HFM1: variants seen among roughly 807,000 people sequenced by gnomAD.
The protein encoded by HFM1 is probable ATP-dependent DNA helicase HFM1.
Under a neutral mutation model 192.1 loss-of-function variants are expected in HFM1, and 169 were observed. That is an observed-to-expected ratio of 0.88 (90% CI 0.78 to 1.00). The LOEUF is 1.00. Among genes scored for constraint, HFM1 ranks in the 50% least tolerant of loss-of-function variants. HFM1 has a pLI of 0.00. For missense variants in HFM1, 1,661 were observed against 1,668.0 expected (o/e 1.00, Z 0.07); for synonymous variants, 525 against 537.8 (o/e 0.98, Z 0.33).
At chr1:91,329,548 A>C in intron 20 of HFM1, 1 of 1,404,764 alleles carries the variant, frequency 7.1e-7, no homozygotes, top group Non-Finnish European at 9.6e-7. Flanking sequence ...CCTCCTTGAC[A>C]CCAGAATATT....
chr1:91,322,924 C>A, intron 23 of HFM1, 26 bp downstream of exon 23: 1 of 1,104,866 alleles, frequency 9.1e-7, no homozygotes, highest in East Asian at 2.9e-5. Flanking sequence ...AAAAAGAAAA[C>A]TTTCATAAGT....
intron 20 of HFM1, among the ~76,000 whole-genome samples, chr1:91,335,695 G>A (rs966207927): frequency 6.6e-6 from 1 of 152,030 alleles, no homozygotes; most frequent in African/African-American, 2.4e-5. Flanking sequence ...AGGAAATTCA[G>A]GATATTTCAT....
In HFM1 at chr1:91,276,701, G is replaced by A; in HGVS notation, c.3515C>T (p.Thr1172Ile). 1 of 1,558,218 alleles carries A rather than the reference G, an allele frequency of 6.4e-7. No individual in the cohort carries two copies. The highest frequency in any genetic ancestry group is 8.6e-7 in the Non-Finnish European group (1 of 1,156,952). ...TAAATCAGATAAATATGAAGAAATT[G>A]TTGACTCTTTAATTTCTGACTTCTG... The part of the protein sequence containing the change: ...VAQKSEIKES[T>I]ISSYLSDLRN... The change falls in exon 32 of 39, where the codon ACA becomes ATA. Residue 1172 changes from threonine (T) to isoleucine (I), a missense_variant. Thr to Ile is a moderately conservative substitution (Grantham distance 89). Coordinates refer to ENST00000370425, the MANE Select transcript of HFM1 (RefSeq NM_001017975.6).
At chr1:91,328,421 C>G in intron 20 of HFM1, 2 of 1,602,560 alleles carry the variant, frequency 1.2e-6, no homozygotes, top group Non-Finnish European at 1.7e-6. Context: ...GCTGATGTGG[C>G]CCCCAGTGCC....
chr1:91,290,024 T>C (rs543443792), intron 30 of HFM1, among the ~76,000 whole-genome samples: 1 of 152,216 alleles, frequency 6.6e-6, no homozygotes, highest in East Asian at 1.9e-4. Context: ...CCACCAGGCC[T>C]GCCCTAAAAG....
intron 32 of HFM1, 152 bp from the exon 33 acceptor site, chr1:91,274,961 C>T (rs1666671456): frequency 1.1e-5 from 5 of 451,212 alleles, no homozygotes; most frequent in Non-Finnish European, 2.0e-5. Context: ...GAATATTTCA[C>T]TCAGGCCCTT....
chr1:91,361,814 G>A (rs576723088), intron 13 of HFM1, among the ~76,000 whole-genome samples: 13 of 152,232 alleles, frequency 8.5e-5, no homozygotes, highest in Admixed American at 8.5e-4. Context: ...TAAAATACTG[G>A]CAAACTGAAT....
intron 30 of HFM1, among the ~76,000 whole-genome samples, chr1:91,296,613 G>C (rs1382132213): frequency 6.6e-6 from 1 of 152,024 alleles, no homozygotes; most frequent in Non-Finnish European, 1.5e-5. Flanking sequence ...GATTAATTTG[G>C]GGAGAACTGA....
intron 30 of HFM1, among the ~76,000 whole-genome samples, chr1:91,310,096 T>C (rs1650219274): frequency 6.6e-6 from 1 of 152,156 alleles, no homozygotes; most frequent in East Asian, 1.9e-4. Flanking sequence ...TATATCTAGA[T>C]GGTATGAAGA....
In HFM1 at chr1:91,276,998, T is replaced by C. The variant is rs756456320; in HGVS notation, c.3456A>G (p.Thr1152=). The change falls in exon 31 of 39, where the codon ACA becomes ACG. Residue 1152 remains threonine, a synonymous_variant. Coordinates refer to ENST00000370425, the MANE Select transcript of HFM1 (RefSeq NM_001017975.6). ...ECNHLCKSKH[T]CGHDCCKIGV... is the part of the protein sequence containing the mutation. Reference sequence around the variant, plus strand: ...GGAACTCACAGCAGTCATGTCCACATGTATGTTTACTTTTACAAAGATGAT... The same window carrying C: ...GGAACTCACAGCAGTCATGTCCACACGTATGTTTACTTTTACAAAGATGAT... 1.9e-6 allele frequency: 3 copies of C among 1,594,572 alleles called. No homozygotes were observed. The East Asian group carries it at 6.8e-5, about 36-fold the overall frequency.
rs778250549 is a variant in HFM1, at chr1:91,379,063, T to C, written c.1158A>G (p.Pro386=). 5.8e-6 allele frequency: 9 copies of C among 1,540,340 alleles called. No individual in the cohort carries two copies. The African/African-American group carries it at 1.1e-4, about 19-fold the overall frequency. ...ATCATAAAGTATAAATAATACCTACTGGAGTTGTCATAATAATATGGGCAT... is the reference window on the plus strand; with the variant it reads ...ATCATAAAGTATAAATAATACCTACCGGAGTTGTCATAATAATATGGGCAT... The part of the protein sequence containing the change: ...IQHAHIIMTT[P]EKWDSMTRKW... Residue 386 remains proline, a splice_region_variant and synonymous_variant, in exon 9 of 39, where the codon CCA becomes CCG. Coordinates refer to ENST00000370425, the MANE Select transcript of HFM1 (RefSeq NM_001017975.6).
chr1:91,375,878 T>C, intron 11 of HFM1, 151 bp from the exon 12 acceptor site: 1 of 632,210 alleles, frequency 1.6e-6, no homozygotes. Flanking sequence ...TCCATTAATA[T>C]TATTCTGTTG....
intron 20 of HFM1, among the ~76,000 whole-genome samples, chr1:91,336,604 T>C (rs1437932012): frequency 6.6e-6 from 1 of 152,198 alleles, no homozygotes; most frequent in Non-Finnish European, 1.5e-5. Context: ...AGATTGCAGA[T>C]TAAAAGGAAT....
intron 20 of HFM1, among the ~76,000 whole-genome samples, chr1:91,342,151 A>AAAAAAAAAAAAAAC (rs58288889): frequency 2.7e-5 from 3 of 111,828 alleles, no homozygotes; most frequent in African/African-American, 3.4e-5. Context: ...AAAAAAAAAA[A>AAAAAAAAAAAAAAC]TTCAGGCGAA....
At chr1:91,328,438 G>A (rs930740792) in intron 20 of HFM1, 3 of 1,610,890 alleles carry the variant, frequency 1.9e-6, no homozygotes, top group Admixed American at 1.7e-5. Flanking sequence ...TGCCACCCGG[G>A]AGAATGACAT....
chr1:91,265,682 A>G (rs1665698117), intron 36 of HFM1, among the ~76,000 whole-genome samples: 1 of 152,198 alleles, frequency 6.6e-6, no homozygotes, highest in Non-Finnish European at 1.5e-5. Context: ...TATACCTGGA[A>G]TGCCTATCTG....
chr1:91,404,898 A>T (rs1664725232), upstream of HFM1: 1 of 455,092 alleles, frequency 2.2e-6, no homozygotes, highest in Non-Finnish European at 4.4e-6. Flanking sequence ...TGGATCGCCC[A>T]AGCCCCCAAC....
chr1:91,394,031 T>C, intron 4 of HFM1, 62 bp downstream of exon 4: 4 of 929,636 alleles, frequency 4.3e-6, no homozygotes, highest in African/African-American at 1.7e-5. Context: ...TTTAATACTT[T>C]TATATGTACA....
At chr1:91,291,072 A>T (rs1668688764) in intron 30 of HFM1, among the ~76,000 whole-genome samples, 1 of 152,214 alleles carries the variant, frequency 6.6e-6, no homozygotes. Flanking sequence ...GGAAATTTAT[A>T]GCACTAAATG....
Sources: allele counts gnomAD v4.1 joint callset (sites outside exome capture counted in the v4.1 genomes callset), GRCh38; gene constraint gnomAD v4.1.1; transcripts MANE v1.5; gene names NCBI Gene and HGNC (gene_info 2026-07-23, HGNC 2026-07-21).